The following XXYLT1 variants were observed in gnomAD, a reference collection of about 807,000 sequenced individuals.
XXYLT1 encodes xyloside xylosyltransferase 1.
XXYLT1 carries 20 observed loss-of-function variants against 28.9 expected under a neutral mutation model. That is an observed-to-expected ratio of 0.69 (90% CI 0.49 to 1.00). XXYLT1 has a LOEUF of 1.00. Among genes scored for constraint, XXYLT1 ranks in the 50% least tolerant of loss-of-function variants. The pLI is 0.00. For synonymous variants in XXYLT1, 257 were observed against 253.8 expected, an observed-to-expected ratio of 1.01 and a Z score of -0.12; for missense variants, 542 against 560.1, an observed-to-expected ratio of 0.97 and a Z score of 0.33.
intron 3 of XXYLT1, among the ~76,000 whole-genome samples, chr3:195,114,704 C>A (rs1396946664): frequency 1.3e-5 from 2 of 152,216 alleles, no homozygotes; most frequent in African/African-American, 4.8e-5. Flanking sequence ...TAGAAGGCAG[C>A]GCGGCTTTGC....
intron 3 of XXYLT1, among the ~76,000 whole-genome samples, chr3:195,093,526 G>A (rs1286410020): frequency 7.2e-6 from 1 of 138,976 alleles, no homozygotes; most frequent in Non-Finnish European, 1.5e-5. Flanking sequence ...TCTGGGGACT[G>A]TTGTGGGGTG....
rs1433958095 is a variant in XXYLT1, at chr3:195,091,420, C to A, written c.786-21309G>T. ...TCCAGCAGGTAAACAGAGCCAAAGA[C>A]AAAAACCACATGATTATCTCAATAG... On this transcript the variant is annotated intron_variant, in intron 3 of 3. Coordinates refer to ENST00000310380, the MANE Select transcript of XXYLT1 (RefSeq NM_152531.5). Among the ~76,000 whole-genome samples the A allele has an allele frequency of 1.9e-5, 2 of 104,906 alleles. 1 individual carries two copies. The highest frequency in any genetic ancestry group is 1.0e-4 in the African/African-American group (2 of 19,362). 68.8% of individuals were successfully genotyped at this position (104,906 alleles called of 152,430 possible). A position where few individuals can be genotyped will look rare whatever the true frequency, so the allele number is the denominator to read the frequency against.
At chr3:195,266,889 T>C (rs1402577337) in intron 1 of XXYLT1, among the ~76,000 whole-genome samples, 1 of 152,218 alleles carries the variant, frequency 6.6e-6, no homozygotes, top group Admixed American at 6.5e-5. Context: ...ACTTACTGTA[T>C]AGGCTAGAAG....
chr3:195,147,595 A>ACTGT (rs1719931936), intron 3 of XXYLT1, among the ~76,000 whole-genome samples: 2 of 152,190 alleles, frequency 1.3e-5, no homozygotes, highest in African/African-American at 4.8e-5. Flanking sequence ...AGAATAACAA[A>ACTGT]CTTTCCCATG....
intron 1 of XXYLT1, among the ~76,000 whole-genome samples, chr3:195,260,261 G>C (rs867976077): frequency 1.3e-5 from 2 of 151,264 alleles, no homozygotes; most frequent in African/African-American, 2.4e-5. Flanking sequence ...GGCCCCGGGC[G>C]GGGGAGGGAC....
intron 2 of XXYLT1, among the ~76,000 whole-genome samples, chr3:195,161,586 T>G (rs900055978): frequency 1.3e-5 from 2 of 151,796 alleles, no homozygotes; most frequent in African/African-American, 4.9e-5. Context: ...TTTATGCCCT[T>G]GTATCACCGA....
intron 2 of XXYLT1, among the ~76,000 whole-genome samples, chr3:195,215,918 G>C (rs1723552410): frequency 6.6e-6 from 1 of 151,994 alleles, no homozygotes; most frequent in South Asian, 2.1e-4. Flanking sequence ...CCACATACTG[G>C]GAAGTAAAGC....
chr3:195,259,768 C>T, intron 1 of XXYLT1: 1 of 707,256 alleles, frequency 1.4e-6, no homozygotes, highest in Non-Finnish European at 1.7e-6. Flanking sequence ...TCCCCACCGG[C>T]GCCAGGATAC....
At chr3:195,134,239 T>C (rs553618201) in intron 3 of XXYLT1, among the ~76,000 whole-genome samples, 1 of 152,312 alleles carries the variant, frequency 6.6e-6, no homozygotes, top group South Asian at 2.1e-4. Flanking sequence ...TCTATAAATT[T>C]AGCATAGCCT....
intron 2 of XXYLT1, among the ~76,000 whole-genome samples, chr3:195,225,403 C>G (rs997604959): frequency 1.3e-5 from 2 of 152,176 alleles, no homozygotes; most frequent in Non-Finnish European, 2.9e-5. Context: ...CCAACAGGAA[C>G]CGAGCTTCAA....
At chr3:195,157,181 T>G (rs1173328400) in intron 2 of XXYLT1, among the ~76,000 whole-genome samples, 1 of 138,900 alleles carries the variant, frequency 7.2e-6, no homozygotes, top group Non-Finnish European at 1.5e-5. Context: ...AGGCAGAGGT[T>G]GCAGTGAGCT....
intron 2 of XXYLT1, among the ~76,000 whole-genome samples, chr3:195,208,144 T>C (rs1723153764): frequency 6.6e-6 from 1 of 152,216 alleles, no homozygotes; most frequent in South Asian, 2.1e-4. Context: ...GGGGCCGTGT[T>C]AGAGGCTGCC....
chr3:195,166,425 T>C (rs1721123859), intron 2 of XXYLT1, among the ~76,000 whole-genome samples: 1 of 152,018 alleles, frequency 6.6e-6, no homozygotes, highest in Non-Finnish European at 1.5e-5. Flanking sequence ...TATTTCAGCG[T>C]GCACTTCCTA....
At chr3:195,222,211 GA>G (rs1305140907) in intron 2 of XXYLT1, among the ~76,000 whole-genome samples, 23 of 152,242 alleles carry the variant, frequency 1.5e-4, no homozygotes, top group African/African-American at 5.1e-4. Context: ...CTGGACATCA[GA>G]ATGGGCATAA....
intron 2 of XXYLT1, 106 bp from the exon 3 acceptor site, chr3:195,156,687 A>G: frequency 7.0e-7 from 1 of 1,426,232 alleles, no homozygotes; most frequent in Non-Finnish European, 9.5e-7. Context: ...CTGGACTCTT[A>G]CTGTTGTCAG....
At chr3:195,074,801 G>A (rs756394587) in intron 3 of XXYLT1, among the ~76,000 whole-genome samples, 2 of 152,188 alleles carry the variant, frequency 1.3e-5, no homozygotes, top group Admixed American at 6.5e-5. Flanking sequence ...GAGAAGACAT[G>A]GACATCCTGG....
chr3:195,158,358 T>C (rs1044885906), intron 2 of XXYLT1, among the ~76,000 whole-genome samples: 1 of 152,192 alleles, frequency 6.6e-6, no homozygotes, highest in African/African-American at 2.4e-5. Context: ...AATGGGAATA[T>C]GCTGGGAGGG....
intron 3 of XXYLT1, among the ~76,000 whole-genome samples, chr3:195,127,772 A>ATGTGTGTGTGTGTG (rs3073344): frequency 0.13 from 19,626 of 151,462 alleles, 1,495 homozygotes; most frequent in East Asian, 0.24. Flanking sequence ...GTGAGACAAA[A>ATGTGTGTGTGTGTG]TGTGTGTGTG....
Position 195,087,840 on chromosome 3 carries a change from C to G in XXYLT1, c.786-17729G>C, listed in dbSNP as rs1047670702. 2.0e-5 allele frequency among the ~76,000 whole-genome samples: 3 copies of G among 151,916 alleles called. No individual in the cohort carries two copies. The South Asian group carries it at 6.2e-4, about 31-fold the overall frequency. On this transcript the variant is annotated intron_variant, in intron 3 of 3. Transcript: ENST00000310380. ...GTGGGTGCGCGCACCGTGCGCGAGCCGAAGCAGGGCGAGGCAAAGCCTCAC... is the reference window on the plus strand; with the variant it reads ...GTGGGTGCGCGCACCGTGCGCGAGCGGAAGCAGGGCGAGGCAAAGCCTCAC...
Sources: allele counts gnomAD v4.1 joint callset (sites outside exome capture counted in the v4.1 genomes callset), GRCh38; gene constraint gnomAD v4.1.1; transcripts MANE v1.5; gene names NCBI Gene and HGNC (gene_info 2026-07-23, HGNC 2026-07-21).